KCNJ16: variants seen among roughly 807,000 people sequenced by gnomAD.
KCNJ16 encodes inward rectifier potassium channel 16.
In KCNJ16, 15 loss-of-function variants were observed where a neutral mutation model predicts 18.5. The ratio of observed to expected loss-of-function variants is 0.81; its 90% CI spans 0.54 to 1.25. The LOEUF (loss-of-function observed/expected upper bound fraction) is 1.25. Among genes scored for constraint, KCNJ16 ranks in the 50% most tolerant of loss-of-function variants. The probability of loss-of-function intolerance (pLI) is 0.00; values close to 1 mark genes in which losing one functional copy is unlikely to be tolerated. For synonymous variants in KCNJ16, 174 were observed against 186.5 expected (o/e 0.93, Z 0.55); for missense variants, 523 against 525.7 (o/e 0.99, Z 0.05).
chr17:70,112,419 G>A (rs1186904742), intron 2 of KCNJ16, among the ~76,000 whole-genome samples: 2 of 150,222 alleles, frequency 1.3e-5, no homozygotes, highest in African/African-American at 4.9e-5. Flanking sequence ...AATTACATGA[G>A]ATTTGGGAGT....
rs1281853763 is a variant in KCNJ16, at chr17:70,105,961, A to G, written c.-191+5195A>G. ...GTTTAAAATCCCTCCCCTGCCTTTT[A>G]AAAAATTTCCCATGAATCTTGAAAT... On this transcript the variant is annotated intron_variant, in intron 2 of 3. Coordinates refer to ENST00000392671, the MANE Select transcript of KCNJ16 (RefSeq NM_170741.4). 3.3e-5 allele frequency among the ~76,000 whole-genome samples: 5 copies of G among 152,214 alleles called. No homozygotes were observed. The East Asian group carries it at 9.6e-4, about 29-fold the overall frequency.
intron 1 of KCNJ16, among the ~76,000 whole-genome samples, chr17:70,085,685 T>A (rs554961251): frequency 6.7e-4 from 102 of 152,308 alleles, no homozygotes; most frequent in African/African-American, 2.3e-3. Context: ...GCTCTATGCC[T>A]CTGATGATTG....
chr17:70,118,597 G>A (rs553071221), intron 2 of KCNJ16, among the ~76,000 whole-genome samples: 4 of 152,104 alleles, frequency 2.6e-5, no homozygotes, highest in African/African-American at 7.2e-5. Flanking sequence ...GTGAAAGCAG[G>A]AGCAAGTGAG....
intron 2 of KCNJ16, among the ~76,000 whole-genome samples, chr17:70,121,498 A>C (rs1036209049): frequency 6.6e-6 from 1 of 152,226 alleles, no homozygotes; most frequent in Admixed American, 6.5e-5. Flanking sequence ...CGGTGAGAAG[A>C]GTAGTAGGAA....
chr17:70,123,990 T>C (rs1190655677), intron 2 of KCNJ16, among the ~76,000 whole-genome samples: 1 of 152,242 alleles, frequency 6.6e-6, no homozygotes, highest in Admixed American at 6.5e-5. Context: ...TAACTTCTTA[T>C]GGAAACCAGG....
intron 2 of KCNJ16, among the ~76,000 whole-genome samples, chr17:70,127,217 C>A (rs976005974): frequency 6.6e-6 from 1 of 151,954 alleles, no homozygotes; most frequent in Non-Finnish European, 1.5e-5. Context: ...GTGTAGGACA[C>A]CCTGCTCTGG....
chr17:70,103,304 A>G (rs1467573926), intron 2 of KCNJ16, among the ~76,000 whole-genome samples: 340 of 13,668 alleles, frequency 0.025, 3 homozygotes, highest in Middle Eastern at 0.062. Flanking sequence ...GTGTATATAT[A>G]TATATATATA....
Position 70,132,176 on chromosome 17 carries a change from G to C in KCNJ16, c.89G>C (p.Arg30Thr). 1.2e-6 allele frequency: 2 copies of C among 1,614,236 alleles called. No individual in the cohort carries two copies. The highest frequency in any genetic ancestry group is 1.7e-6 in the Non-Finnish European group (2 of 1,180,046). ...CCAGAGCACATTATAGCTGAGAAGA[G>C]AAGAGCAAGAAGACGATTACTTCAC... Reference protein sequence around the residue: ...YPPEHIIAEKRRARRRLLHKD... With the variant: ...YPPEHIIAEKTRARRRLLHKD... The change falls in exon 4 of 4, where the codon AGA (arginine) becomes ACA (threonine). Residue 30 changes from arginine (R) to threonine (T), a missense_variant. By Grantham distance (71) the Arg-to-Thr change is moderately conservative. Coordinates refer to ENST00000392671, the MANE Select transcript of KCNJ16 (RefSeq NM_170741.4).
intron 2 of KCNJ16, among the ~76,000 whole-genome samples, chr17:70,130,418 G>A (rs948213939): frequency 6.6e-6 from 1 of 152,190 alleles, no homozygotes; most frequent in African/African-American, 2.4e-5. Flanking sequence ...GATCAAAACT[G>A]ATCTGGATGA....
At chr17:70,082,746 A>G (rs1408664253) in intron 1 of KCNJ16, among the ~76,000 whole-genome samples, 1 of 152,140 alleles carries the variant, frequency 6.6e-6, no homozygotes, top group Non-Finnish European at 1.5e-5. Context: ...ACACCTGGAT[A>G]GAGTGCTTAA....
chr17:70,077,316 A>G (rs1322392787), intron 1 of KCNJ16, among the ~76,000 whole-genome samples: 1 of 151,916 alleles, frequency 6.6e-6, no homozygotes, highest in African/African-American at 2.4e-5. Context: ...AAGTGGAGAG[A>G]CAGTGAGGAG....
chr17:70,086,600 C>T (rs2071807305), intron 1 of KCNJ16, among the ~76,000 whole-genome samples: 1 of 151,992 alleles, frequency 6.6e-6, no homozygotes, highest in Non-Finnish European at 1.5e-5. Flanking sequence ...AGGATGTTTA[C>T]TATTTAAGTT....
Position 70,096,028 on chromosome 17 carries a change from G to A in KCNJ16, c.-299-4630G>A, listed in dbSNP as rs1042917195. On this transcript the variant is annotated intron_variant, in intron 1 of 3. Coordinates refer to ENST00000392671, the MANE Select transcript of KCNJ16 (RefSeq NM_170741.4). Reference sequence around the variant, plus strand: ...CTCCCGAGTAGCTGGGACTACAGGCGCCCACCACCATGTCTGGCTAATTTT... The same window carrying A: ...CTCCCGAGTAGCTGGGACTACAGGCACCCACCACCATGTCTGGCTAATTTT... 9.0e-4 allele frequency among the ~76,000 whole-genome samples: 137 copies of A among 151,526 alleles called. 1 individual carries two copies. The highest frequency in any genetic ancestry group is 1.2e-3 in the Non-Finnish European group (82 of 67,824).
At chr17:70,125,377 G>C (rs2073816755) in intron 2 of KCNJ16, among the ~76,000 whole-genome samples, 1 of 152,160 alleles carries the variant, frequency 6.6e-6, no homozygotes, top group Admixed American at 6.5e-5. Context: ...TTTGTGGTAG[G>C]AAACAGTGGC....
Position 70,132,817 on chromosome 17 carries a change from C to T in KCNJ16, c.730C>T (p.Gln244Ter). 1 of 1,613,924 alleles carries T rather than the reference C, an allele frequency of 6.2e-7. No homozygotes were observed. Among genetic ancestry groups the T allele is most frequent in the African/African-American group, 1.3e-5 (1 of 75,010 alleles). Reference protein sequence around the residue: ...AFKDLKLVNDQIILVTPVTIV... With the variant: ...AFKDLKLVND The stretch of plus-strand genomic sequence containing the variant: ...TAAAGACCTCAAATTAGTCAACGAC[C>T]AAATCATCCTGGTCACCCCGGTAAC... The change falls in exon 4 of 4, where the codon CAA (glutamine) becomes TAA (stop). Residue 244 changes from glutamine (Q) to a stop codon, truncating the protein, a stop_gained. Coordinates refer to ENST00000392671, the MANE Select transcript of KCNJ16 (RefSeq NM_170741.4). LOFTEE classifies it high-confidence loss of function.
rs192230369 is a variant in KCNJ16 at position 70,118,989 on chromosome 17, T to C, written c.-190-11890T>C. 1.0e-3 allele frequency among the ~76,000 whole-genome samples: 153 copies of C among 152,234 alleles called. 1 individual carries two copies. In the Middle Eastern group the frequency reaches 0.014, roughly 14 times the overall value. On this transcript the variant is annotated intron_variant, in intron 2 of 3. Transcript: ENST00000392671. Reference sequence around the variant, plus strand: ...CAGGTTAGTTACTTCCAAGATACAATAGGGGCATTGTACAAACAGGCGTTG... The same window carrying C: ...CAGGTTAGTTACTTCCAAGATACAACAGGGGCATTGTACAAACAGGCGTTG...
chr17:70,095,227 A>G (rs1168266885), intron 1 of KCNJ16, among the ~76,000 whole-genome samples: 1 of 151,760 alleles, frequency 6.6e-6, no homozygotes, highest in African/African-American at 2.4e-5. Context: ...TTATCTTGAG[A>G]TGCTGAATAT....
intron 1 of KCNJ16, among the ~76,000 whole-genome samples, chr17:70,097,160 G>A (rs894961227): frequency 3.9e-5 from 6 of 152,066 alleles, no homozygotes; most frequent in East Asian, 1.9e-4. Context: ...AACCCCAAAC[G>A]AGACATGACC....
At chr17:70,096,729 T>G (rs2072391173) in intron 1 of KCNJ16, 1 of 377,092 alleles carries the variant, frequency 2.7e-6, no homozygotes, top group African/African-American at 2.1e-5. Flanking sequence ...GATAACAACC[T>G]TCTCCTTTAT....
Sources: allele counts gnomAD v4.1 joint callset (sites outside exome capture counted in the v4.1 genomes callset), GRCh38; gene constraint gnomAD v4.1.1; transcripts MANE v1.5; gene names NCBI Gene and HGNC (gene_info 2026-07-23, HGNC 2026-07-21).